Variants in DIP2C observed in about 807,000 individuals in gnomAD.
DIP2C encodes disco-interacting protein 2 homolog C.
In DIP2C, 33 loss-of-function variants were observed where a neutral mutation model predicts 192.4. That is an observed-to-expected ratio of 0.17 (90% CI 0.13 to 0.23). The LOEUF (loss-of-function observed/expected upper bound fraction) is 0.23. Among genes scored for constraint, DIP2C ranks in the 10% least tolerant of loss-of-function variants. The probability of loss-of-function intolerance (pLI) is 1.00; values close to 1 mark genes in which losing one functional copy is unlikely to be tolerated. For synonymous variants in DIP2C, 979 were observed against 864.1 expected, an observed-to-expected ratio of 1.13 and a Z score of -2.33; for missense variants, 1,537 against 2,110.1, an observed-to-expected ratio of 0.73 and a Z score of 5.32.
chr10:528,340 A>AGCAGACCGCCCGCTGCCCACCCAGAAC lies in DIP2C; in HGVS notation c.86-41837_86-41811dup, dbSNP rs1478097961. 2.9e-3 allele frequency among the ~76,000 whole-genome samples: 380 copies of AGCAGACCGCCCGCTGCCCACCCAGAAC among 132,326 alleles called. 1 individual carries two copies. The highest frequency in any genetic ancestry group is 9.8e-3 in the African/African-American group (355 of 36,240). 86.8% of individuals were successfully genotyped at this position (132,326 alleles called of 152,430 possible). On this transcript the variant is annotated intron_variant, in intron 1 of 36. Transcript: ENST00000280886. Reference sequence around the variant, plus strand: ...CAGACCGCCCACAGCTCCCCCAGAAAGCAGACCGCCCGCTGCCCACCCAGA... The same window carrying AGCAGACCGCCCGCTGCCCACCCAGAAC: ...CAGACCGCCCACAGCTCCCCCAGAAAGCAGACCGCCCGCTGCCCACCCAGAACGCAGACCGCCCGCTGCCCACCCAGA...
intron 1 of DIP2C, among the ~76,000 whole-genome samples, chr10:600,823 G>A (rs74115073): frequency 2.0e-5 from 3 of 152,340 alleles, no homozygotes; most frequent in Non-Finnish European, 4.4e-5. Context: ...TTATAACCAC[G>A]TCTCAACCAT....
At position 673,322 on chromosome 10, in the gene DIP2C, T is replaced by A. The variant is rs561675870; in HGVS notation, c.85+16172A>T. On this transcript the variant is annotated intron_variant, in intron 1 of 36. Transcript: ENST00000280886. ...AACCATTTGAAACCCAGTCTCCTCA[T>A]CTGTACAAAGAGAGCAATGCTGTCT... Among the ~76,000 whole-genome samples, 112 of 152,296 alleles carry A rather than the reference T, an allele frequency of 7.4e-4. 1 individual carries two copies. The highest frequency in any genetic ancestry group is 3.4e-3 in the Middle Eastern group (1 of 294).
chr10:417,713 TAGGCCTCCCTGTCTGCCTGCGC>T (rs1965780910), intron 6 of DIP2C, among the ~76,000 whole-genome samples: 1 of 99,314 alleles, frequency 1.0e-5, no homozygotes, highest in African/African-American at 4.0e-5. Context: ...TCGGCTCAAA[TAGGCCTCCCTGTCTGCCTGCGC>T]CTGTCAGGGC....
intron 1 of DIP2C, chr10:630,668 C>T (rs816566): frequency 2.0e-5 from 3 of 152,230 alleles, no homozygotes; most frequent in Admixed American, 2.0e-4. Context: ...GGCTGCGTCC[C>T]GGGGCCGTGC....
intron 6 of DIP2C, among the ~76,000 whole-genome samples, chr10:417,521 GCACT>G (rs1965723261): frequency 6.6e-6 from 1 of 152,194 alleles, no homozygotes; most frequent in African/African-American, 2.4e-5. Context: ...GATTTCAAGC[GCACT>G]AACTGGACAC....
intron 25 of DIP2C, 23 bp from the exon 26 acceptor site, chr10:348,785 T>C (rs1034928946): frequency 2.5e-6 from 4 of 1,611,496 alleles, no homozygotes; most frequent in Non-Finnish European, 3.4e-6. Flanking sequence ...AGAAACATCA[T>C]CATTGAAGCA....
intron 31 of DIP2C, among the ~76,000 whole-genome samples, chr10:320,855 G>A (rs1956973556): frequency 6.6e-6 from 1 of 152,198 alleles, no homozygotes; most frequent in African/African-American, 2.4e-5. Context: ...AAAAGCAGCT[G>A]GAAAGTGTGA....
chr10:605,267 C>T (rs894349003), intron 1 of DIP2C, among the ~76,000 whole-genome samples: 21 of 152,304 alleles, frequency 1.4e-4, no homozygotes, highest in Middle Eastern at 3.4e-3. Flanking sequence ...TGAAGCTCTA[C>T]GACTATCTCA....
At chr10:624,839 T>C (rs140799948) in intron 1 of DIP2C, among the ~76,000 whole-genome samples, 1,785 of 151,840 alleles carry the variant, frequency 0.012, 19 homozygotes, top group Admixed American at 0.023. Context: ...CTACGGAAGC[T>C]GTGAAGACGG....
At chr10:375,225 G>A (rs927090237) in intron 17 of DIP2C, among the ~76,000 whole-genome samples, 1 of 152,230 alleles carries the variant, frequency 6.6e-6, no homozygotes, top group African/African-American at 2.4e-5. Context: ...CACTTTATGA[G>A]TTCACGTGGG....
intron 10 of DIP2C, among the ~76,000 whole-genome samples, chr10:392,742 A>T (rs113495312): frequency 2.2e-4 from 7 of 32,300 alleles, no homozygotes; most frequent in African/African-American, 3.9e-4. Context: ...ACACGCGCAC[A>T]CACTCACATA....
At chr10:616,225 T>A (rs552469300) in intron 1 of DIP2C, among the ~76,000 whole-genome samples, 1 of 152,334 alleles carries the variant, frequency 6.6e-6, no homozygotes, top group Non-Finnish European at 1.5e-5. Context: ...CCGTTTGTAA[T>A]CTGGACCGCA....
At chr10:488,342 C>G (rs1041345991) in intron 1 of DIP2C, among the ~76,000 whole-genome samples, 5 of 152,212 alleles carry the variant, frequency 3.3e-5, no homozygotes, top group Admixed American at 6.5e-5. Context: ...TTCAGTGCAG[C>G]TCTTCACAGG....
At chr10:403,861 G>A (rs61836859) in intron 9 of DIP2C, among the ~76,000 whole-genome samples, 19,639 of 47,620 alleles carry the variant, frequency 0.41, 990 homozygotes, top group East Asian at 0.43. Context: ...CACGTGTGGT[G>A]GCATTAGCAT....
chr10:654,878 C>A (rs927713281), intron 1 of DIP2C, among the ~76,000 whole-genome samples: 1 of 152,174 alleles, frequency 6.6e-6, no homozygotes, highest in Non-Finnish European at 1.5e-5. Context: ...CCATTCTCTA[C>A]GATACAATAT....
intron 1 of DIP2C, among the ~76,000 whole-genome samples, chr10:553,290 T>C (rs1848675125): frequency 6.6e-6 from 1 of 152,224 alleles, no homozygotes; most frequent in Admixed American, 6.5e-5. Flanking sequence ...AAAAAGCCTC[T>C]GCAGAAATCA....
At position 357,942 on chromosome 10, in the gene DIP2C, A is replaced by G; in HGVS notation, c.2795-5T>C. On this transcript the variant is annotated splice_region_variant and splice_polypyrimidine_tract_variant and intron_variant, in intron 22 of 36. Transcript: ENST00000280886. ...TCACAGAGGCAGGGCCGATTTCTAG[A>G]AAGAAACAGAGACATGGCCATGAGG... 1.2e-6 allele frequency: 2 copies of G among 1,606,770 alleles called. No individual in the cohort carries two copies. The highest frequency in any genetic ancestry group is 2.2e-5 in the East Asian group (1 of 44,858).
chr10:283,356 T>G lies in DIP2C; in HGVS notation c.4210A>C (p.Ser1404Arg). The G allele has an allele frequency of 6.2e-7, 1 of 1,614,158 alleles. No individual in the cohort carries two copies. Among genetic ancestry groups the G allele is most frequent in the Non-Finnish European group, 8.5e-7 (1 of 1,180,024 alleles). The change falls in exon 35 of 37, where the codon AGT (serine) becomes CGT (arginine). Residue 1404 changes from serine (S) to arginine (R), a missense_variant. Physicochemically the swap from Ser to Arg is moderately radical, Grantham distance 110. This residue lies in a region of DIP2C where 341 missense variants were observed against 551.7 expected (regional missense o/e 0.62). Coordinates refer to ENST00000280886, the MANE Select transcript of DIP2C (RefSeq NM_014974.3). ...LQSDHFNSRLSFGDTQTIWAR... is the reference protein window; with the variant it reads ...LQSDHFNSRLRFGDTQTIWAR... ...CAGATGGTCTGGGTGTCTCCAAAACTTAGTCTTGAGTTGAAGTGATCTGAC... is the reference window on the plus strand; with the variant it reads ...CAGATGGTCTGGGTGTCTCCAAAACGTAGTCTTGAGTTGAAGTGATCTGAC...
At chr10:312,819 T>C (rs1956620778) in intron 31 of DIP2C, among the ~76,000 whole-genome samples, 1 of 152,218 alleles carries the variant, frequency 6.6e-6, no homozygotes, top group Non-Finnish European at 1.5e-5. Flanking sequence ...TGCAATGATT[T>C]AAATAATTTC....
Sources: allele counts gnomAD v4.1 joint callset (sites outside exome capture counted in the v4.1 genomes callset), GRCh38; gene constraint gnomAD v4.1.1; regional missense constraint gnomAD v4.1.1; transcripts MANE v1.5; gene names NCBI Gene and HGNC (gene_info 2026-07-23, HGNC 2026-07-21).